DCDC2: variants seen among roughly 807,000 people sequenced by gnomAD.
DCDC2 encodes doublecortin domain-containing protein 2.
Under a neutral mutation model 50.2 loss-of-function variants are expected in DCDC2, and 40 were observed. The ratio of observed to expected loss-of-function variants is 0.80; its 90% CI spans 0.62 to 1.04. DCDC2 has a LOEUF of 1.04. Ranked by LOEUF, DCDC2 falls within the 50% of genes least tolerant of loss-of-function variation. DCDC2 has a pLI of 0.00. For missense variants in DCDC2, 570 were observed against 581.9 expected, an observed-to-expected ratio of 0.98 and a Z score of 0.21; for synonymous variants, 234 against 210.6, an observed-to-expected ratio of 1.11 and a Z score of -0.96.
chr6:24,247,846 G>C (rs924294164), intron 7 of DCDC2, among the ~76,000 whole-genome samples: 1 of 152,096 alleles, frequency 6.6e-6, no homozygotes, highest in Non-Finnish European at 1.5e-5. Context: ...AGGCTGAAGC[G>C]GGTGGATCAC....
At chr6:24,238,600 G>A (rs779401569) in intron 7 of DCDC2, among the ~76,000 whole-genome samples, 5 of 151,970 alleles carry the variant, frequency 3.3e-5, no homozygotes, top group Admixed American at 6.5e-5. Flanking sequence ...CACCAGGCCC[G>A]AACACCCAAA....
intron 6 of DCDC2, among the ~76,000 whole-genome samples, chr6:24,279,911 G>A (rs973887191): frequency 6.6e-6 from 1 of 152,194 alleles, no homozygotes; most frequent in Non-Finnish European, 1.5e-5. Context: ...GATGTATGGT[G>A]TTTGTTTAAT....
intron 2 of DCDC2, among the ~76,000 whole-genome samples, chr6:24,318,039 T>C (rs986265586): frequency 7.9e-5 from 12 of 151,840 alleles, no homozygotes; most frequent in African/African-American, 2.9e-4. Flanking sequence ...CTCCCATACA[T>C]TGATGATAGG....
rs3077132 is a variant in DCDC2, at chr6:24,289,971, C to CT, written c.704+960dup. Among the ~76,000 whole-genome samples the CT allele has an allele frequency of 7.0e-4, 43 of 61,044 alleles. 6 individuals are homozygous for CT. The highest frequency in any genetic ancestry group is 1.1e-3 in the African/African-American group (21 of 19,312). 40.0% of individuals were successfully genotyped at this position (61,044 alleles called of 152,430 possible). A position where few individuals can be genotyped will look rare whatever the true frequency, so the allele number is the denominator to read the frequency against. ...TCCTGCAGCATGGGCCAGAGCTCTT[C>CT]TTTTTTTTTTTTTTTTTTTTTTTTT... On this transcript the variant is annotated intron_variant, in intron 5 of 9. Coordinates refer to ENST00000378454, the MANE Select transcript of DCDC2 (RefSeq NM_016356.5).
chr6:24,328,060 C>T (rs1167618340), intron 2 of DCDC2, among the ~76,000 whole-genome samples: 1 of 152,174 alleles, frequency 6.6e-6, no homozygotes, highest in East Asian at 1.9e-4. Flanking sequence ...AATTCTCTGA[C>T]AATTAACAAG....
In DCDC2 at chr6:24,344,503, C is replaced by A. The variant is rs569517148; in HGVS notation, c.348+9066G>T. The stretch of plus-strand genomic sequence containing the variant: ...TCACAGTTATTAAGCTTCCTAACAT[C>A]ATGCCTAAATGCCAAAGAGAGGATG... On this transcript the variant is annotated intron_variant, in intron 2 of 9. Transcript: ENST00000378454. Among the ~76,000 whole-genome samples, 15 of 152,324 alleles carry A rather than the reference C, an allele frequency of 9.8e-5. 1 individual carries two copies. The South Asian group carries it at 2.9e-3, about 29-fold the overall frequency.
chr6:24,281,526 G>T (rs544589926), intron 6 of DCDC2, among the ~76,000 whole-genome samples: 1 of 145,772 alleles, frequency 6.9e-6, no homozygotes, highest in South Asian at 2.2e-4. Context: ...TGAAGGGGGA[G>T]AAGAGAAAAA....
At chr6:24,280,368 G>GTT (rs1250931728) in intron 6 of DCDC2, among the ~76,000 whole-genome samples, 60 of 140,696 alleles carry the variant, frequency 4.3e-4, no homozygotes, top group African/African-American at 1.2e-3. Context: ...GCAACCAGGG[G>GTT]TTTTTTTTTT....
the DCDC2 span, among the ~76,000 whole-genome samples, chr6:24,363,319 C>A: frequency 2.2e-4 from 33 of 152,034 alleles, no homozygotes; most frequent in Admixed American, 7.9e-4. Context: ...CATGGCAAAA[C>A]CCCATCTCTA....
intron 2 of DCDC2, among the ~76,000 whole-genome samples, chr6:24,333,763 T>G (rs1184210925): frequency 6.6e-6 from 1 of 152,164 alleles, no homozygotes; most frequent in Non-Finnish European, 1.5e-5. Flanking sequence ...TAAAACAGAA[T>G]GCAAAAGCTG....
At chr6:24,218,088 T>C (rs80051543) in intron 7 of DCDC2, among the ~76,000 whole-genome samples, 2 of 236 alleles carry the variant, frequency 8.5e-3, no homozygotes, top group African/African-American at 0.023. Flanking sequence ...CAAATATGCC[T>C]ATATCAGCAA....
At chr6:24,382,250 A>G in the DCDC2 span, among the ~76,000 whole-genome samples, 3 of 151,994 alleles carry the variant, frequency 2.0e-5, no homozygotes. Context: ...GCTTGACTCT[A>G]CAGACTCCGG....
chr6:24,325,678 A>T lies in DCDC2; in HGVS notation c.349-23634T>A, dbSNP rs538623168. Among the ~76,000 whole-genome samples the T allele has an allele frequency of 9.6e-4, 143 of 149,674 alleles. 13 individuals are homozygous for T. Among genetic ancestry groups the T allele is most frequent in the Non-Finnish European group, 1.9e-3 (126 of 67,242 alleles). ...TGCAGTGGATTTTTGTTATGTTTTA[A>T]TATAACATACTAGAGAAAATCCAGA... On this transcript the variant is annotated intron_variant, in intron 2 of 9. Coordinates refer to ENST00000378454, the MANE Select transcript of DCDC2 (RefSeq NM_016356.5).
chr6:24,223,786 G>T (rs59296932), intron 7 of DCDC2, among the ~76,000 whole-genome samples: 4,440 of 152,252 alleles, frequency 0.029, 78 homozygotes, highest in South Asian at 0.051. Flanking sequence ...TTGCCACTTT[G>T]GCCAGTGTAA....
intron 4 of DCDC2, among the ~76,000 whole-genome samples, chr6:24,294,893 C>G (rs747689155): frequency 6.6e-6 from 1 of 152,076 alleles, no homozygotes; most frequent in Non-Finnish European, 1.5e-5. Context: ...ACCAGATGTA[C>G]AAAATGTGGT....
chr6:24,274,190 G>A (rs1046302563), intron 7 of DCDC2, among the ~76,000 whole-genome samples: 8 of 152,292 alleles, frequency 5.3e-5, no homozygotes, highest in Admixed American at 2.0e-4. Flanking sequence ...TTCCTACAGA[G>A]ACCTAAATTC....
chr6:24,217,815 TATA>T (rs1476749560), intron 7 of DCDC2, among the ~76,000 whole-genome samples: 1 of 152,236 alleles, frequency 6.6e-6, no homozygotes, highest in Non-Finnish European at 1.5e-5. Context: ...TTGCTCAAGA[TATA>T]ATAACTTTAA....
At chr6:24,220,887 A>AGAGC (rs879543671) in intron 7 of DCDC2, among the ~76,000 whole-genome samples, 45 of 114,946 alleles carry the variant, frequency 3.9e-4, no homozygotes, top group African/African-American at 1.4e-3. Context: ...CGAGAGCGAG[A>AGAGC]GAGTGAGCGA....
intron 2 of DCDC2, among the ~76,000 whole-genome samples, chr6:24,302,246 G>T (rs1308845997): frequency 7.7e-6 from 1 of 130,026 alleles, no homozygotes; most frequent in Non-Finnish European, 1.6e-5. Flanking sequence ...CTCAAGAAAA[G>T]AAAGGAAAAT....
Sources: allele counts gnomAD v4.1 joint callset (sites outside exome capture counted in the v4.1 genomes callset), GRCh38; gene constraint gnomAD v4.1.1; transcripts MANE v1.5; gene names NCBI Gene and HGNC (gene_info 2026-07-23, HGNC 2026-07-21).